SH3BP4: variants seen among roughly 807,000 people sequenced by gnomAD.
The protein encoded by SH3BP4 is SH3 domain-binding protein 4.
Under a neutral mutation model 65.5 loss-of-function variants are expected in SH3BP4, and 33 were observed. The ratio of observed to expected loss-of-function variants is 0.50; its 90% confidence interval spans 0.38 to 0.67. The LOEUF is 0.67. Among genes scored for constraint, SH3BP4 ranks in the 30% least tolerant of loss-of-function variants. The pLI is 0.00. For synonymous variants in SH3BP4, 552 were observed against 545.5 expected (o/e 1.01, Z -0.17); for missense variants, 1,134 against 1,261.4 (o/e 0.90, Z 1.53).
rs1324634774 is a variant in SH3BP4, at chr2:235,034,967, A to G, written c.-36A>G. On this transcript the variant is annotated 5_prime_UTR_variant, in exon 3 of 6. Coordinates refer to ENST00000392011, the MANE Select transcript of SH3BP4 (RefSeq NM_014521.3). The surrounding 1 kb of genome is among the most constrained non-coding windows in gnomAD (Gnocchi z 6.2). The stretch of plus-strand genomic sequence containing the variant: ...GGGATAACTGGAGGAAGAAATATGA[A>G]GCCTTAGCGGCTTTACCCGGGAAGC... 1 of 1,556,372 alleles carries G rather than the reference A, an allele frequency of 6.4e-7. No individual in the cohort carries two copies. Among genetic ancestry groups the G allele is most frequent in the Non-Finnish European group, 8.9e-7 (1 of 1,129,452 alleles).
chr2:235,013,844 C>G (rs1444375973), intron 2 of SH3BP4, among the ~76,000 whole-genome samples: 2 of 152,196 alleles, frequency 1.3e-5, no homozygotes, highest in African/African-American at 4.8e-5. Context: ...CCAGGGTCAC[C>G]TGGTGAGTAA....
chr2:235,045,175 G>A lies in SH3BP4; in HGVS notation c.2478+1928G>A, dbSNP rs1325666831. 6.6e-5 allele frequency among the ~76,000 whole-genome samples: 10 copies of A among 152,278 alleles called. No individual in the cohort carries two copies. The East Asian group carries it at 9.7e-4, about 15-fold the overall frequency. On this transcript the variant is annotated intron_variant, in intron 4 of 5. Coordinates refer to ENST00000392011, the MANE Select transcript of SH3BP4 (RefSeq NM_014521.3). The surrounding 1 kb of genome is among the most constrained non-coding windows in gnomAD (Gnocchi z 4.3). ...GTGGCAGACAAAGCGCCTCCATCCCGTGAGAGCCTCTGTGCGGGCGGCCCC... is the reference window on the plus strand; with the variant it reads ...GTGGCAGACAAAGCGCCTCCATCCCATGAGAGCCTCTGTGCGGGCGGCCCC...
At chr2:235,036,063 T>C (rs1306755996) in intron 3 of SH3BP4, among the ~76,000 whole-genome samples, 2 of 152,254 alleles carry the variant, frequency 1.3e-5, no homozygotes, top group Non-Finnish European at 2.9e-5. Flanking sequence ...ACTAAACTGC[T>C]ATCCCCCAGA....
Position 234,975,907 on chromosome 2 carries a change from G to A in SH3BP4, c.-206-19396G>A, listed in dbSNP as rs117079613. Among the ~76,000 whole-genome samples the A allele has an allele frequency of 3.5e-4, 53 of 152,230 alleles. No homozygotes were observed. The East Asian group carries it at 9.3e-3, about 27-fold the overall frequency. On this transcript the variant is annotated intron_variant, in intron 1 of 5. Transcript: ENST00000392011. ...AATAAAAAATAAATAAAAGTAGTTTGACCAGGAACATTCAACCTTAGCTTC... is the reference window on the plus strand; with the variant it reads ...AATAAAAAATAAATAAAAGTAGTTTAACCAGGAACATTCAACCTTAGCTTC...
At chr2:234,996,845 G>A (rs1325582452) in intron 2 of SH3BP4, among the ~76,000 whole-genome samples, 1 of 152,252 alleles carries the variant, frequency 6.6e-6, no homozygotes, top group African/African-American at 2.4e-5. Flanking sequence ...GGCATCGCCA[G>A]AGCAGGCCCC....
In SH3BP4 at chr2:235,038,369, A is replaced by ATATTTTT. The variant is rs1559254564; in HGVS notation, c.119-2516_119-2515insTTTTTAT. Among the ~76,000 whole-genome samples the ATATTTTT allele has an allele frequency of 2.1e-4, 9 of 43,470 alleles. No individual in the cohort carries two copies. The South Asian group carries it at 2.8e-3, about 13-fold the overall frequency. 28.5% of individuals were successfully genotyped at this position (43,470 alleles called of 152,430 possible). ...TATATTTTATATATATATATATAATATATATACATATATATATATATATAT... is the reference window on the plus strand; with the variant it reads ...TATATTTTATATATATATATATAATATATTTTTTATATACATATATATATATATATAT... On this transcript the variant is annotated intron_variant, in intron 3 of 5. Transcript: ENST00000392011.
In SH3BP4 at chr2:235,026,287, A is replaced by G. The variant is rs933061858; in HGVS notation, c.-132-8584A>G. Among the ~76,000 whole-genome samples, 1 of 152,136 alleles carries G rather than the reference A, an allele frequency of 6.6e-6. No individual in the cohort carries two copies. The highest frequency in any genetic ancestry group is 2.4e-5 in the African/African-American group (1 of 41,420). ...AGTCTGGCCAGTGAAAACATCTGGA[A>G]TCATGACTCCAGCCGCGCTAGCCAT... On this transcript the variant is annotated intron_variant, in intron 2 of 5. Transcript: ENST00000392011. The surrounding 1 kb of genome is among the most constrained non-coding windows in gnomAD (Gnocchi z 4.6).
At chr2:234,973,999 G>A (rs906804897) in intron 1 of SH3BP4, among the ~76,000 whole-genome samples, 6 of 152,080 alleles carry the variant, frequency 3.9e-5, no homozygotes, top group African/African-American at 1.2e-4. Flanking sequence ...CAAGTGCTCC[G>A]GGTCTAGTAA....
intron 1 of SH3BP4, among the ~76,000 whole-genome samples, chr2:234,971,139 A>G (rs1289858011): frequency 6.6e-6 from 1 of 152,198 alleles, no homozygotes; most frequent in Non-Finnish European, 1.5e-5. Context: ...ATCTTGCAGA[A>G]TGAAAATTCT....
At chr2:235,044,856 GC>G (rs1380799606) in intron 4 of SH3BP4, among the ~76,000 whole-genome samples, 15 of 152,344 alleles carry the variant, frequency 9.8e-5, no homozygotes, top group Middle Eastern at 3.4e-3. Context: ...GCAGTCGTGT[GC>G]AGTGCCAGAA....
At chr2:234,990,255 G>A (rs182461626) in intron 1 of SH3BP4, among the ~76,000 whole-genome samples, 1 of 152,348 alleles carries the variant, frequency 6.6e-6, no homozygotes, top group African/African-American at 2.4e-5. Flanking sequence ...TGGCTCTGAT[G>A]TATGGTGGTG....
chr2:235,041,951 G>A lies in SH3BP4; in HGVS notation c.1182G>A (p.Glu394=). Residue 394 remains glutamate, a synonymous_variant, in exon 4 of 6, where the codon GAG becomes GAA. Transcript: ENST00000392011. The surrounding 1 kb of genome is among the most constrained non-coding windows in gnomAD (Gnocchi z 6.0). ...NLEVKTSIIL[E]MKVSAEIKND... ...AGGTGAAAACCTCTATCATCTTGGA[G>A]ATGAAAGTGTCAGCCGAGATAAAAA... The A allele has an allele frequency of 1.9e-6, 3 of 1,613,464 alleles. No individual in the cohort carries two copies. The highest frequency in any genetic ancestry group is 2.2e-5 in the East Asian group (1 of 44,870).
chr2:235,051,350 C>T (rs903009057), intron 4 of SH3BP4, among the ~76,000 whole-genome samples: 1 of 152,050 alleles, frequency 6.6e-6, no homozygotes, highest in Admixed American at 6.6e-5. Context: ...GTGAGTTTGA[C>T]CCCAGCCTGG....
intron 1 of SH3BP4, among the ~76,000 whole-genome samples, chr2:234,955,343 C>T (rs1359022868): frequency 6.6e-6 from 1 of 152,172 alleles, no homozygotes; most frequent in African/African-American, 2.4e-5. Context: ...AGAAGCCTCA[C>T]ATTCTGCCAC....
In SH3BP4 at chr2:234,997,201, A is replaced by T. The variant is rs10929076; in HGVS notation, c.-133+1825A>T. On this transcript the variant is annotated intron_variant, in intron 2 of 5. Coordinates refer to ENST00000392011, the MANE Select transcript of SH3BP4 (RefSeq NM_014521.3). The surrounding 1 kb of genome is among the most constrained non-coding windows in gnomAD (Gnocchi z 4.2). Reference sequence around the variant, plus strand: ...AGTTAGAGACCATCCACAGGCCACCACACTTTAAGCTGATTTTCGTTTTGC... The same window carrying T: ...AGTTAGAGACCATCCACAGGCCACCTCACTTTAAGCTGATTTTCGTTTTGC... Among the ~76,000 whole-genome samples, 1 of 151,936 alleles carries T rather than the reference A, an allele frequency of 6.6e-6. No homozygotes were observed. The highest frequency in any genetic ancestry group is 6.6e-5 in the Admixed American group (1 of 15,266).
At position 235,035,031 on chromosome 2, in the gene SH3BP4, A is replaced by G. The variant is rs200491683; in HGVS notation, c.29A>G (p.Asn10Ser). The G allele has an allele frequency of 6.2e-5, 100 of 1,614,076 alleles. No individual in the cohort carries two copies. In the African/African-American group the frequency reaches 9.7e-4, roughly 16 times the overall value. Residue 10 changes from asparagine (N) to serine (S), a missense_variant, in exon 3 of 6, where the codon AAC becomes AGC. Coordinates refer to ENST00000392011, the MANE Select transcript of SH3BP4 (RefSeq NM_014521.3). This position sits in a 1 kb window ranked among gnomAD's most constrained non-coding sequence, Gnocchi z 5.0. MAAQRIRAA[N>S]SNGLPRCKSE... is the part of the protein sequence containing the mutation. ...GCGGCTCAGCGGATCCGAGCGGCCA[A>G]CTCCAATGGCCTCCCTCGCTGCAAG...
At chr2:234,985,060 C>T (rs75985325) in intron 1 of SH3BP4, among the ~76,000 whole-genome samples, 1 of 152,076 alleles carries the variant, frequency 6.6e-6, no homozygotes, top group Non-Finnish European at 1.5e-5. Context: ...ATGTCTGCAG[C>T]GCATCCTCCA....
In SH3BP4 at chr2:235,033,378, T is replaced by A. The variant is rs1034081442; in HGVS notation, c.-132-1493T>A. Among the ~76,000 whole-genome samples the A allele has an allele frequency of 6.6e-6, 1 of 152,186 alleles. No homozygotes were observed. Among genetic ancestry groups the A allele is most frequent in the African/African-American group, 2.4e-5 (1 of 41,446 alleles). ...GATCATGAGGACCCCACCTTCATGA[T>A]CTCTTCTAACTCTAACTACTCCCCA... is the stretch of plus-strand genomic sequence containing the variant. On this transcript the variant is annotated intron_variant, in intron 2 of 5. Transcript: ENST00000392011. This position sits in a 1 kb window ranked among gnomAD's most constrained non-coding sequence, Gnocchi z 5.7.
intron 2 of SH3BP4, among the ~76,000 whole-genome samples, chr2:235,021,956 C>T (rs534540697): frequency 1.2e-4 from 18 of 152,144 alleles, no homozygotes; most frequent in Middle Eastern, 6.8e-3. Context: ...CATCCCTCCC[C>T]GAGAAGCAAA....
Sources: gnomAD v4.1 joint callset for allele counts (sites outside exome capture counted in the v4.1 genomes callset) on GRCh38, gnomAD v4.1.1 for gene constraint, Gnocchi (gnomAD v3.1) non-coding constraint, MANE v1.5 for transcripts, NCBI Gene and HGNC (gene_info 2026-07-23, HGNC 2026-07-21) for gene names.